ZNF829: variants seen among roughly 807,000 people sequenced by gnomAD.
The protein encoded by ZNF829 is zinc finger protein 829.
A neutral mutation model predicts 35.2 loss-of-function variants in ZNF829; 25 were observed. The ratio of observed to expected loss-of-function variants is 0.71; its 90% CI spans 0.52 to 0.99. The LOEUF (loss-of-function observed/expected upper bound fraction) is 0.99, where lower values mean the gene tolerates loss of function less well. Among genes scored for constraint, ZNF829 ranks in the 50% least tolerant of loss-of-function variants. ZNF829 has a pLI of 0.00. For missense variants in ZNF829, 417 were observed against 515.3 expected, an observed-to-expected ratio of 0.81 and a Z score of 1.85; for synonymous variants, 136 against 163.2, an observed-to-expected ratio of 0.83 and a Z score of 1.27.
chr19:36,902,914 T>G (rs2073183367), intron 5 of ZNF829, among the ~76,000 whole-genome samples: 1 of 152,112 alleles, frequency 6.6e-6, no homozygotes, highest in Non-Finnish European at 1.5e-5. Flanking sequence ...CGCACGCCTG[T>G]AATCCCAGCT....
intron 5 of ZNF829, among the ~76,000 whole-genome samples, chr19:36,893,714 A>G (rs2073084386): frequency 6.6e-6 from 1 of 152,188 alleles, no homozygotes; most frequent in East Asian, 1.9e-4. Flanking sequence ...TTCCCTCCAC[A>G]CAATCATTGG....
At chr19:36,904,804 C>T (rs1465790762) in intron 5 of ZNF829, among the ~76,000 whole-genome samples, 1 of 152,088 alleles carries the variant, frequency 6.6e-6, no homozygotes, top group African/African-American at 2.4e-5. Flanking sequence ...AAGGAATAAA[C>T]AGAGACCACC....
At chr19:36,898,211 A>G (rs2073130283) in intron 5 of ZNF829, among the ~76,000 whole-genome samples, 1 of 152,172 alleles carries the variant, frequency 6.6e-6, no homozygotes, top group African/African-American at 2.4e-5. Flanking sequence ...CACAATAATG[A>G]ATTAGCTGAA....
intron 1 of ZNF829, 66 bp from the exon 2 acceptor site, chr19:36,915,317 C>T (rs2073306787): frequency 2.0e-6 from 3 of 1,517,510 alleles, no homozygotes; most frequent in Non-Finnish European, 2.6e-6. Context: ...ACACAGAATG[C>T]CACATACATT....
At chr19:36,915,458 C>G (rs2073309736) in intron 1 of ZNF829, among the ~76,000 whole-genome samples, 1 of 152,124 alleles carries the variant, frequency 6.6e-6, no homozygotes, top group Non-Finnish European at 1.5e-5. Flanking sequence ...GTAGGCACCC[C>G]ACACTGTCGC....
chr19:36,910,943 G>C (rs933943848), intron 3 of ZNF829, among the ~76,000 whole-genome samples: 1 of 152,110 alleles, frequency 6.6e-6, no homozygotes, highest in Admixed American at 6.5e-5. Context: ...GGAGGCGGAG[G>C]TTGCAGTGAG....
intron 5 of ZNF829, chr19:36,892,754 C>T: frequency 2.0e-6 from 1 of 499,114 alleles, no homozygotes; most frequent in Non-Finnish European, 3.4e-6. Context: ...GTGTTCAGCA[C>T]CATCCTCCAT....
intron 3 of ZNF829, 57 bp from the exon 4 acceptor site, chr19:36,908,516 A>T: frequency 6.5e-7 from 1 of 1,550,382 alleles, no homozygotes; most frequent in South Asian, 1.3e-5. Flanking sequence ...ATGGCGGTAG[A>T]GGTGGCAAGA....
chr19:36,892,467 C>A lies in ZNF829; in HGVS notation c.324G>T (p.Leu108=). ...RELTRGLCSD[L]ESMCETKILS... ...ATATTTTGGTCTCACACATTGATTC[C>A]AGATCTGAAAGAAAATACAAAGGCA... Residue 108 remains leucine (L), a synonymous_variant, in exon 6 of 6, where the codon CTG becomes CTT. Coordinates refer to ENST00000391711, the MANE Select transcript of ZNF829 (RefSeq NM_001037232.4). 1.3e-6 allele frequency: 2 copies of A among 1,565,548 alleles called. No homozygotes were observed. Among genetic ancestry groups the A allele is most frequent in the Non-Finnish European group, 1.7e-6 (2 of 1,163,780 alleles).
At chr19:36,906,801 A>G (rs938477573) in intron 5 of ZNF829, 1 of 152,140 alleles carries the variant, frequency 6.6e-6, no homozygotes, top group African/African-American at 2.4e-5. Context: ...TATTCATAGA[A>G]TGAAGCAGGA....
At chr19:36,893,907 T>G (rs532509994) in intron 5 of ZNF829, among the ~76,000 whole-genome samples, 74 of 152,280 alleles carry the variant, frequency 4.9e-4, no homozygotes, top group African/African-American at 1.7e-3. Flanking sequence ...CCTGAAAATC[T>G]AAACTCCTTG....
intron 5 of ZNF829, among the ~76,000 whole-genome samples, chr19:36,896,576 G>GA (rs1442108625): frequency 6.6e-6 from 1 of 152,132 alleles, no homozygotes; most frequent in African/African-American, 2.4e-5. Context: ...CATCTAGATA[G>GA]AAAATCAACA....
At chr19:36,914,771 T>A (rs2073295603) in intron 3 of ZNF829, among the ~76,000 whole-genome samples, 194 bp downstream of exon 3, 1 of 152,210 alleles carries the variant, frequency 6.6e-6, no homozygotes, top group African/African-American at 2.4e-5. Flanking sequence ...TTCTTGGTAA[T>A]GCTGTGTTTT....
chr19:36,893,442 G>A (rs965589753), intron 5 of ZNF829, among the ~76,000 whole-genome samples: 26 of 152,174 alleles, frequency 1.7e-4, no homozygotes, highest in Non-Finnish European at 1.5e-4. Context: ...GGAACTCCAT[G>A]TCAACATATA....
intron 5 of ZNF829, among the ~76,000 whole-genome samples, chr19:36,897,848 G>T (rs931623374): frequency 6.6e-6 from 1 of 152,198 alleles, no homozygotes; most frequent in Non-Finnish European, 1.5e-5. Context: ...AATCAGTAAA[G>T]TTGCAAGATA....
At chr19:36,905,166 C>T (rs1290671113) in intron 5 of ZNF829, among the ~76,000 whole-genome samples, 1 of 152,108 alleles carries the variant, frequency 6.6e-6, no homozygotes, top group Non-Finnish European at 1.5e-5. Flanking sequence ...CCTATTTGAT[C>T]TTCTCATTGA....
rs79277718 is a variant in ZNF829 at position 36,891,516 on chromosome 19, G to A, written c.1275C>T (p.Arg425=). ...KAFGSRSDLI[R]HEGIHTG ...TTCAACCAGTATGAATTCCCTCATG[G>A]CGAATGAGGTCAGAGCGACTACCAA... The change falls in exon 6 of 6, where the codon CGC becomes CGT. Residue 425 remains arginine, a synonymous_variant. Transcript: ENST00000391711. The A allele has an allele frequency of 7.0e-6, 11 of 1,570,038 alleles. No individual in the cohort carries two copies. Among genetic ancestry groups the A allele is most frequent in the East Asian group, 4.5e-5 (2 of 44,528 alleles).
Position 36,916,065 on chromosome 19 carries a change from A to T in ZNF829, c.-139T>A. 3.5e-6 allele frequency: 3 copies of T among 867,672 alleles called. No homozygotes were observed. The highest frequency in any genetic ancestry group is 5.1e-6 in the Non-Finnish European group (3 of 590,290). 53.7% of individuals were successfully genotyped at this position (867,672 alleles called of 1,614,324 possible). A position where few individuals can be genotyped will look rare whatever the true frequency, so the allele number is the denominator to read the frequency against. On this transcript the variant is annotated 5_prime_UTR_variant, in exon 1 of 6. Coordinates refer to ENST00000391711, the MANE Select transcript of ZNF829 (RefSeq NM_001037232.4). The surrounding 1 kb of genome is among the most constrained non-coding windows in gnomAD (Gnocchi z 5.3). ...GACGAAACGTTCGAATTCCTGCGAG[A>T]AAAGTGGCAGGCCACCAGGCCCTCT...
Position 36,891,819 on chromosome 19 carries a change from A to C in ZNF829, c.972T>G (p.Tyr324Ter). Reference sequence around the variant, plus strand: ...AGGCCTTCCCACACTGCTTACATTCATAAGGTTTCTCACCAGTATGCATTC... The same window carrying C: ...AGGCCTTCCCACACTGCTTACATTCCTAAGGTTTCTCACCAGTATGCATTC... ...HQRMHTGEKP[Y>*]ECKQCGKAFN... Residue 324 changes from tyrosine to a stop codon, truncating the protein, a stop_gained, in exon 6 of 6, where the codon TAT becomes TAG. Transcript: ENST00000391711. LOFTEE classifies it high-confidence loss of function. 1 of 1,614,172 alleles carries C rather than the reference A, an allele frequency of 6.2e-7. No individual in the cohort carries two copies. The highest frequency in any genetic ancestry group is 1.3e-5 in the African/African-American group (1 of 75,060).
Sources: allele counts gnomAD v4.1 joint callset (sites outside exome capture counted in the v4.1 genomes callset), GRCh38; gene constraint gnomAD v4.1.1; non-coding constraint Gnocchi (gnomAD v3.1); transcripts MANE v1.5; gene names NCBI Gene and HGNC (gene_info 2026-07-23, HGNC 2026-07-21).